AJAP1: variants seen among roughly 807,000 people sequenced by gnomAD.
AJAP1 encodes the protein adherens junction-associated protein 1.
A neutral mutation model predicts 35.0 loss-of-function variants in AJAP1; 5 were observed. The ratio of observed to expected loss-of-function variants is 0.14; its 90% CI spans 0.07 to 0.30. AJAP1 has a LOEUF of 0.30. AJAP1 is among the 10% of genes least tolerant of loss of function. The pLI, the probability that AJAP1 is intolerant of heterozygous loss-of-function variation, is 1.00. For missense variants in AJAP1, 586 were observed against 571.0 expected (o/e 1.03, Z -0.27); for synonymous variants, 284 against 249.3 (o/e 1.14, Z -1.31).
At chr1:4,685,578 C>G (rs549925483) in intron 1 of AJAP1, among the ~76,000 whole-genome samples, 1 of 152,306 alleles carries the variant, frequency 6.6e-6, no homozygotes, top group African/African-American at 2.4e-5. Context: ...CCAATGGCAT[C>G]GACAGATCAC....
chr1:4,659,448 C>G (rs1308039798), intron 1 of AJAP1, among the ~76,000 whole-genome samples: 1 of 152,142 alleles, frequency 6.6e-6, no homozygotes, highest in Non-Finnish European at 1.5e-5. Flanking sequence ...AGACCCCTTC[C>G]AGGAATTCAA....
rs746187043 is a variant in AJAP1, at chr1:4,756,758, A to T, written c.830-13095A>T. Among the ~76,000 whole-genome samples the T allele has an allele frequency of 1.7e-3, 260 of 152,354 alleles. 7 individuals carry two copies. The highest frequency in any genetic ancestry group is 7.8e-4 in the Non-Finnish European group (53 of 68,034). On this transcript the variant is annotated intron_variant, in intron 2 of 5. Coordinates refer to ENST00000378191, the MANE Select transcript of AJAP1 (RefSeq NM_018836.4). Reference sequence around the variant, plus strand: ...AAGTTTGCTTTCTGGAGGCCTCTCAAACCTGAGCTTTGTGACTCTCCAGGA... The same window carrying T: ...AAGTTTGCTTTCTGGAGGCCTCTCATACCTGAGCTTTGTGACTCTCCAGGA...
At position 4,734,679 on chromosome 1, in the gene AJAP1, T is replaced by A. The variant is rs1038308612; in HGVS notation, c.829+21980T>A. ...CGGACTGCACTGGATGGGGCTGGAG[T>A]GGCACCTGTGGGCGATGCTGAATAT... On this transcript the variant is annotated intron_variant, in intron 2 of 5. Transcript: ENST00000378191. This position sits in a 1 kb window ranked among gnomAD's most constrained non-coding sequence, Gnocchi z 4.3. 7.2e-5 allele frequency among the ~76,000 whole-genome samples: 11 copies of A among 151,938 alleles called. No individual in the cohort carries two copies. Among genetic ancestry groups the A allele is most frequent in the Non-Finnish European group, 1.2e-4 (8 of 67,990 alleles).
intron 1 of AJAP1, among the ~76,000 whole-genome samples, chr1:4,697,159 C>CCTGA (rs1374442840): frequency 6.6e-6 from 1 of 152,138 alleles, no homozygotes. Context: ...TGTGTGCATG[C>CCTGA]CTGACTGTAT....
intron 1 of AJAP1, among the ~76,000 whole-genome samples, chr1:4,709,071 AG>A: frequency 6.6e-6 from 1 of 152,376 alleles, no homozygotes; most frequent in Non-Finnish European, 1.5e-5. Context: ...GAAAAATCAC[AG>A]AAATATCCTG....
rs1287684438 is a variant in AJAP1 at position 4,741,807 on chromosome 1, C to G, written c.830-28046C>G. On this transcript the variant is annotated intron_variant, in intron 2 of 5. Transcript: ENST00000378191. ...GGACTGGGGCAGGGAGAGCAGGAGT[C>G]AAGTCTGGAATATCTTGTTCCAGAA... is the stretch of plus-strand genomic sequence containing the variant. 2.0e-5 allele frequency among the ~76,000 whole-genome samples: 3 copies of G among 152,152 alleles called. No homozygotes were observed. In the East Asian group the frequency reaches 5.8e-4, roughly 29 times the overall value.
intron 5 of AJAP1, chr1:4,777,647 G>C (rs186943659): frequency 1.3e-5 from 2 of 152,322 alleles, no homozygotes; most frequent in Admixed American, 1.3e-4. Flanking sequence ...CGTTAATGTT[G>C]ATCTCTTTCC....
rs934738106 is a variant in AJAP1, at chr1:4,782,523, T to C, written c.*60-22T>C. 3.7e-5 allele frequency: 14 copies of C among 376,538 alleles called. No individual in the cohort carries two copies. The highest frequency in any genetic ancestry group is 2.9e-4 in the African/African-American group (14 of 48,240). The allele number at this position is 376,538 out of a possible 1,614,324, so 23.3% of individuals were successfully genotyped here. ...CCTCGGCGTGCTGCCATTTAATCTC[T>C]TCTTGTTTTCTTTCCACACAGGATT... On this transcript the variant is annotated intron_variant, in intron 5 of 5. Transcript: ENST00000378191. The surrounding 1 kb of genome is among the most constrained non-coding windows in gnomAD (Gnocchi z 5.3).
In AJAP1 at chr1:4,753,166, T is replaced by G. The variant is rs186276725; in HGVS notation, c.830-16687T>G. 8.3e-4 allele frequency among the ~76,000 whole-genome samples: 127 copies of G among 152,346 alleles called. 3 individuals are homozygous for G. Among genetic ancestry groups the G allele is most frequent in the African/African-American group, 2.8e-3 (118 of 41,592 alleles). ...TGAGATTTTCACAGTTCTTTTCAGC[T>G]AAATCTTTCATCCCCAACATGGAAA... On this transcript the variant is annotated intron_variant, in intron 2 of 5. Transcript: ENST00000378191.
At chr1:4,754,673 C>T (rs943097405) in intron 2 of AJAP1, among the ~76,000 whole-genome samples, 2 of 152,212 alleles carry the variant, frequency 1.3e-5, no homozygotes, top group African/African-American at 4.8e-5. Context: ...TTGTTTGTTT[C>T]TGTTTGTTTT....
intron 2 of AJAP1, among the ~76,000 whole-genome samples, chr1:4,736,801 C>T (rs1218403146): frequency 2.0e-5 from 3 of 152,118 alleles, no homozygotes; most frequent in East Asian, 1.9e-4. Flanking sequence ...GGAGAACGTG[C>T]GGGGGCCGCT....
intron 1 of AJAP1, among the ~76,000 whole-genome samples, chr1:4,666,085 C>T (rs1639110650): frequency 6.6e-6 from 1 of 151,906 alleles, no homozygotes; most frequent in Non-Finnish European, 1.5e-5. Flanking sequence ...CCCACTGAGG[C>T]TCCTCCGGCC....
chr1:4,711,635 G>C (rs989310), intron 1 of AJAP1, among the ~76,000 whole-genome samples: 77,165 of 152,158 alleles, frequency 0.51, 20,461 homozygotes, highest in Middle Eastern at 0.62. Flanking sequence ...CGACCGGCCG[G>C]CTCTGTGCCT....
At chr1:4,748,353 AGTT>A (rs1641240243) in intron 2 of AJAP1, among the ~76,000 whole-genome samples, 1 of 151,988 alleles carries the variant, frequency 6.6e-6, no homozygotes, top group East Asian at 1.9e-4. Context: ...GGGTGAGCTG[AGTT>A]GTTGTGTGTG....
At chr1:4,740,586 C>T (rs576759576) in intron 2 of AJAP1, among the ~76,000 whole-genome samples, 206 of 151,800 alleles carry the variant, frequency 1.4e-3, no homozygotes, top group Non-Finnish European at 2.5e-3. Context: ...GAGATCGAGA[C>T]CATCCTGGCT....
intron 2 of AJAP1, among the ~76,000 whole-genome samples, chr1:4,717,520 G>A (rs1640421365): frequency 2.6e-5 from 4 of 152,228 alleles, no homozygotes; most frequent in Admixed American, 2.6e-4. Flanking sequence ...AGATGGCTCA[G>A]ATGTCTTCCA....
intron 2 of AJAP1, among the ~76,000 whole-genome samples, chr1:4,758,953 T>A (rs1641502379): frequency 6.6e-6 from 1 of 152,216 alleles, no homozygotes; most frequent in Admixed American, 6.5e-5. Flanking sequence ...CTGTGCACTC[T>A]GCAAACTCCA....
rs1236756504 is a variant in AJAP1 at position 4,655,633 on chromosome 1, C to A, written c.29+179C>A. ...CCCGGAGCCTGGAGCAGCACCGCGG[C>A]CCTGGCGGGGAGCGGCCGGGTCTCC... On this transcript the variant is annotated intron_variant, in intron 1 of 5. Transcript: ENST00000378191. The surrounding 1 kb of genome is among the most constrained non-coding windows in gnomAD (Gnocchi z 6.9). 2.0e-5 allele frequency among the ~76,000 whole-genome samples: 3 copies of A among 151,280 alleles called. No homozygotes were observed. Among genetic ancestry groups the A allele is most frequent in the African/African-American group, 7.3e-5 (3 of 41,348 alleles).
chr1:4,719,346 G>A (rs1640466927), intron 2 of AJAP1, among the ~76,000 whole-genome samples: 1 of 152,140 alleles, frequency 6.6e-6, no homozygotes, highest in Non-Finnish European at 1.5e-5. Context: ...TTCCAGTTGG[G>A]AAATCCAGAC....
Sources: allele counts gnomAD v4.1 joint callset (sites outside exome capture counted in the v4.1 genomes callset), GRCh38; gene constraint gnomAD v4.1.1; non-coding constraint Gnocchi (gnomAD v3.1); transcripts MANE v1.5; gene names NCBI Gene and HGNC (gene_info 2026-07-23, HGNC 2026-07-21).